RAD21L1: variants seen among roughly 807,000 people sequenced by gnomAD.
RAD21L1 encodes the protein RAD21 cohesin complex component like 1.
In RAD21L1, 47 loss-of-function variants were observed where a neutral mutation model predicts 69.0. The observed-to-expected ratio is 0.68, with a 90% confidence interval of 0.54 to 0.87. The LOEUF is 0.87. RAD21L1 is among the 40% of genes least tolerant of loss of function. The pLI, the probability that RAD21L1 is intolerant of heterozygous loss-of-function variation, is 0.00. For synonymous variants in RAD21L1, 177 were observed against 205.8 expected (o/e 0.86, Z 1.20); for missense variants, 583 against 647.6 (o/e 0.90, Z 1.08).
At chr20:1,241,771 C>T (rs2087611490) in intron 8 of RAD21L1, among the ~76,000 whole-genome samples, 1 of 152,172 alleles carries the variant, frequency 6.6e-6, no homozygotes, top group South Asian at 2.1e-4. Context: ...GCACATCAGC[C>T]AGCAAGCAGG....
At chr20:1,231,420 T>C in intron 3 of RAD21L1, 106 bp from the exon 4 acceptor site, 2 of 669,502 alleles carry the variant, frequency 3.0e-6, no homozygotes, top group Non-Finnish European at 5.3e-6. Flanking sequence ...AGAGGAAAAC[T>C]AGTTAGAATA....
At chr20:1,230,502 T>C in intron 3 of RAD21L1, 1 of 724,586 alleles carries the variant, frequency 1.4e-6, no homozygotes, top group Non-Finnish European at 1.7e-6. Flanking sequence ...TCAAAATTTA[T>C]ATACCATCTG....
intron 3 of RAD21L1, chr20:1,230,800 T>C: frequency 2.1e-6 from 1 of 487,218 alleles, no homozygotes; most frequent in Non-Finnish European, 2.7e-6. Flanking sequence ...TGTTCGTTTA[T>C]TATTTTTTTA....
At chr20:1,233,150 A>G (rs946182805) in intron 4 of RAD21L1, among the ~76,000 whole-genome samples, 2 of 152,202 alleles carry the variant, frequency 1.3e-5, no homozygotes, top group Non-Finnish European at 2.9e-5. Context: ...AGTGGCCCGA[A>G]TGGACTAACA....
At position 1,254,434 on chromosome 20, in the gene RAD21L1, G is replaced by C; in HGVS notation, c.1645G>C (p.Gly549Arg). The C allele has an allele frequency of 6.5e-7, 1 of 1,537,816 alleles. No homozygotes were observed. Among genetic ancestry groups the C allele is most frequent in the African/African-American group, 1.4e-5 (1 of 72,500 alleles). The change falls in exon 14 of 14, where the codon GGA becomes CGA. Residue 549 changes from glycine (G) to arginine (R), a missense_variant. Coordinates refer to ENST00000683101, the MANE Select transcript of RAD21L1 (RefSeq NM_001384355.1). ...APYADIIATM[G>R]PMFYNI is the part of the protein sequence containing the mutation. ...CTATGCAGATATTATAGCTACGATG[G>C]GACCAATGTTTTATAACATATGAAG...
At position 1,239,410 on chromosome 20, in the gene RAD21L1, A is replaced by G; in HGVS notation, c.742+3A>G. On this transcript the variant is annotated splice_donor_region_variant and intron_variant, in intron 7 of 13. Transcript: ENST00000683101. ...TGAGCCTCCCAATAGTTTAGCAGGT[A>G]GGTTGAAATTTTCCTTTATGAGAAA... The G allele has an allele frequency of 2.0e-6, 3 of 1,521,744 alleles. No individual in the cohort carries two copies. Among genetic ancestry groups the G allele is most frequent in the Non-Finnish European group, 2.7e-6 (3 of 1,122,156 alleles). 94.3% of individuals were successfully genotyped at this position (1,521,744 alleles called of 1,614,324 possible).
chr20:1,231,303 A>T (rs1046702975), intron 3 of RAD21L1, among the ~76,000 whole-genome samples: 1 of 152,196 alleles, frequency 6.6e-6, no homozygotes, highest in Non-Finnish European at 1.5e-5. Context: ...TATTAAATGC[A>T]CTGGAGAAGT....
chr20:1,230,057 T>C (rs1004804502), intron 3 of RAD21L1, 48 bp downstream of exon 3: 1 of 1,436,446 alleles, frequency 7.0e-7, no homozygotes, highest in Non-Finnish European at 9.5e-7. Flanking sequence ...CCTTTTGCAT[T>C]TTAATTGGGG....
At chr20:1,231,294 A>G (rs2087385455) in intron 3 of RAD21L1, among the ~76,000 whole-genome samples, 1 of 152,198 alleles carries the variant, frequency 6.6e-6, no homozygotes, top group South Asian at 2.1e-4. Flanking sequence ...TTTTGATTTT[A>G]TTAAATGCAC....
At chr20:1,250,242 C>CT (rs1405389640) in intron 13 of RAD21L1, among the ~76,000 whole-genome samples, 5 of 146,218 alleles carry the variant, frequency 3.4e-5, no homozygotes, top group Admixed American at 6.9e-5. Flanking sequence ...CATTTTCTTT[C>CT]TTTTTTTTTC....
In RAD21L1 at chr20:1,254,381, T is replaced by C; in HGVS notation, c.1592T>C (p.Leu531Pro). The part of the protein sequence containing the change: ...FYSFLVLKKQ[L>P]AIELSQSAPY... ...AGCTTTCTTGTCCTAAAGAAACAGCTGGCTATTGAGCTGAGCCAGAGTGCT... is the reference window on the plus strand; with the variant it reads ...AGCTTTCTTGTCCTAAAGAAACAGCCGGCTATTGAGCTGAGCCAGAGTGCT... Residue 531 changes from leucine to proline, a missense_variant, in exon 14 of 14, where the codon CTG becomes CCG. Transcript: ENST00000683101. 1 of 1,551,522 alleles carries C rather than the reference T, an allele frequency of 6.4e-7. No individual in the cohort carries two copies. Among genetic ancestry groups the C allele is most frequent in the Non-Finnish European group, 8.7e-7 (1 of 1,146,888 alleles).
intron 11 of RAD21L1, among the ~76,000 whole-genome samples, chr20:1,245,524 T>C (rs970528599): frequency 6.6e-6 from 1 of 152,212 alleles, no homozygotes; most frequent in Admixed American, 6.6e-5. Flanking sequence ...AGGAGGCCCT[T>C]AATCAAGATT....
rs1289730156 is a variant in RAD21L1 at position 1,231,567 on chromosome 20, A to G, written c.316A>G (p.Asn106Asp). Residue 106 changes from asparagine (N) to aspartate (D), a missense_variant, in exon 4 of 14, where the codon AAT becomes GAT. Transcript: ENST00000683101. The part of the protein sequence containing the change: ...LPKENFEASY[N>D]AITLPEEFHD... ...AAAAGAGAATTTTGAAGCATCTTACAATGCTATCACATTGCCAGAAGAATT... is the reference window on the plus strand; with the variant it reads ...AAAAGAGAATTTTGAAGCATCTTACGATGCTATCACATTGCCAGAAGAATT... 1.4e-5 allele frequency: 22 copies of G among 1,541,742 alleles called. No homozygotes were observed. The highest frequency in any genetic ancestry group is 6.1e-6 in the Non-Finnish European group (7 of 1,140,480).
At chr20:1,228,299 G>A (rs1662802478) in intron 1 of RAD21L1, 123 bp from the exon 2 acceptor site, 2 of 497,848 alleles carry the variant, frequency 4.0e-6, no homozygotes, top group Non-Finnish European at 7.0e-6. Context: ...AGAATAAATT[G>A]TATTGAATAA....
intron 5 of RAD21L1, among the ~76,000 whole-genome samples, chr20:1,234,588 C>A (rs1424026822): frequency 6.6e-6 from 1 of 152,098 alleles, no homozygotes; most frequent in Non-Finnish European, 1.5e-5. Context: ...AAATATATTT[C>A]TTCTGGTATA....
chr20:1,241,535 C>T (rs1318920467), intron 8 of RAD21L1, among the ~76,000 whole-genome samples: 1 of 152,104 alleles, frequency 6.6e-6, no homozygotes, highest in Admixed American at 6.5e-5. Context: ...CACCACTGAG[C>T]CTCTATCTCA....
chr20:1,232,785 A>T (rs1300298593), intron 4 of RAD21L1, among the ~76,000 whole-genome samples: 1 of 152,184 alleles, frequency 6.6e-6, no homozygotes, highest in Non-Finnish European at 1.5e-5. Flanking sequence ...CTTCAAGGTG[A>T]TGGTATTAAG....
intron 7 of RAD21L1, 87 bp from the exon 8 acceptor site, chr20:1,240,234 T>C: frequency 2.1e-6 from 3 of 1,411,226 alleles, no homozygotes; most frequent in Non-Finnish European, 2.8e-6. Flanking sequence ...TCAGTTAGTT[T>C]ATCTTTATCT....
intron 8 of RAD21L1, 24 bp from the exon 9 acceptor site, chr20:1,242,595 A>G (rs1276741116): frequency 1.1e-5 from 16 of 1,488,926 alleles, no homozygotes; most frequent in Non-Finnish European, 1.4e-5. Context: ...AACCAATCAC[A>G]TTTGTGCTAT....
Sources: gnomAD v4.1 joint callset for allele counts (sites outside exome capture counted in the v4.1 genomes callset) on GRCh38, gnomAD v4.1.1 for gene constraint, MANE v1.5 for transcripts, NCBI Gene and HGNC (gene_info 2026-07-23, HGNC 2026-07-21) for gene names.